ATXN1: variants seen among roughly 807,000 people sequenced by gnomAD.
The protein encoded by ATXN1 is ataxin 1.
Under a neutral mutation model 56.4 loss-of-function variants are expected in ATXN1, and 8 were observed. The observed-to-expected ratio is 0.14, with a 90% CI of 0.08 to 0.26. The LOEUF is 0.26. Ranked by LOEUF, ATXN1 falls within the 10% of genes least tolerant of loss-of-function variation. The pLI, the probability that ATXN1 is intolerant of heterozygous loss-of-function variation, is 1.00. For synonymous variants in ATXN1, 514 were observed against 494.6 expected (o/e 1.04, Z -0.52); for missense variants, 987 against 1,106.5 (o/e 0.89, Z 1.53).
At chr6:16,701,759 T>A (rs567376157) in intron 2 of ATXN1, among the ~76,000 whole-genome samples, 1 of 152,206 alleles carries the variant, frequency 6.6e-6, no homozygotes, top group East Asian at 1.9e-4. Flanking sequence ...ATAAAATACC[T>A]AGGAATCCAA....
Position 16,327,862 on chromosome 6 carries a change from G to C in ATXN1, c.449C>G (p.Pro150Arg). Residue 150 changes from proline to arginine, a missense_variant, in exon 7 of 8, where the codon CCA becomes CGA. Transcript: ENST00000436367. ...ASFIPSQLIP[P>R]TANPVTSAVA... ...TGCACTGGTGACGGGGTTGGCGGTT[G>C]GGGGGATCAGCTGTGATGGGATGAA... 6.2e-7 allele frequency: 1 copy of C among 1,607,258 alleles called. No homozygotes were observed. Among genetic ancestry groups the C allele is most frequent in the East Asian group, 2.2e-5 (1 of 44,880 alleles).
intron 1 of ATXN1, among the ~76,000 whole-genome samples, chr6:16,758,819 A>G (rs1012003780): frequency 3.9e-5 from 6 of 152,234 alleles, no homozygotes; most frequent in Non-Finnish European, 8.8e-5. Context: ...AAGTCCATTT[A>G]TTTGCGGAGC....
intron 6 of ATXN1, among the ~76,000 whole-genome samples, chr6:16,449,115 T>C (rs575716029): frequency 6.6e-6 from 1 of 152,010 alleles, no homozygotes; most frequent in East Asian, 1.9e-4. Context: ...GTTTCTCAGG[T>C]AGAAAGGTTG....
At chr6:16,310,436 C>A (rs1760362178) in intron 7 of ATXN1, among the ~76,000 whole-genome samples, 1 of 152,164 alleles carries the variant, frequency 6.6e-6, no homozygotes, top group African/African-American at 2.4e-5. Context: ...CATGGTGAAT[C>A]TGAATGAATA....
chr6:16,646,989 TTTTGTTTGTTTG>T (rs533393628), intron 3 of ATXN1, among the ~76,000 whole-genome samples: 13 of 152,032 alleles, frequency 8.6e-5, no homozygotes, highest in Non-Finnish European at 2.9e-5. Flanking sequence ...ATTTAGGTTT[TTTTGTTTGTTTG>T]TTTGTTTGTT....
chr6:16,466,680 G>A (rs1022610557), intron 6 of ATXN1, among the ~76,000 whole-genome samples: 3 of 151,744 alleles, frequency 2.0e-5, no homozygotes, highest in Non-Finnish European at 4.4e-5. Flanking sequence ...TTTCTGTAAA[G>A]CTACATGTAT....
In ATXN1 at chr6:16,306,627, G is replaced by T; in HGVS notation, c.2150C>A (p.Ala717Glu). The change falls in exon 8 of 8, where the codon GCG becomes GAG. Residue 717 changes from alanine (A) to glutamate (E), a missense_variant. By Grantham distance (107) the Ala-to-Glu change is moderately radical (BLOSUM62 -1). Transcript: ENST00000436367. This position sits in a 1 kb window ranked among gnomAD's most constrained non-coding sequence, Gnocchi z 5.2. ...CTCGGCATACCTGTGTCTGCTGCCC[G>T]CCAGGCCGTCGGCCTTTGAGTGCTT... ...LLKHSKADGLAGSRHRYAEQE... is the reference protein window; with the variant it reads ...LLKHSKADGLEGSRHRYAEQE... 6.2e-7 allele frequency: 1 copy of T among 1,614,222 alleles called. No individual in the cohort carries two copies. Among genetic ancestry groups the T allele is most frequent in the Admixed American group, 1.7e-5 (1 of 60,026 alleles).
chr6:16,395,635 T>A lies in ATXN1; in HGVS notation c.-160-67165A>T, dbSNP rs147055222. 9.6e-3 allele frequency among the ~76,000 whole-genome samples: 1,463 copies of A among 152,286 alleles called. 11 individuals are homozygous for A. Among genetic ancestry groups the A allele is most frequent in the Non-Finnish European group, 0.014 (928 of 68,032 alleles). On this transcript the variant is annotated intron_variant, in intron 6 of 7. Transcript: ENST00000436367. ...ACGCACAGTACATAATAGTTGATAGTGAAAATAAATGACTATGTTACTGGT... is the reference window on the plus strand; with the variant it reads ...ACGCACAGTACATAATAGTTGATAGAGAAAATAAATGACTATGTTACTGGT...
At chr6:16,496,350 TATACTTTG>T (rs1043621861) in intron 5 of ATXN1, among the ~76,000 whole-genome samples, 14 of 152,202 alleles carry the variant, frequency 9.2e-5, no homozygotes, top group African/African-American at 3.4e-4. Context: ...CAAAGACAGG[TATACTTTG>T]ATGTGGGTTA....
chr6:16,508,960 T>A (rs1361368960), intron 5 of ATXN1, among the ~76,000 whole-genome samples: 2 of 152,180 alleles, frequency 1.3e-5, no homozygotes, highest in African/African-American at 4.8e-5. Context: ...TGACACATGT[T>A]ACAACATGGA....
At chr6:16,663,255 C>G (rs1758361517) in intron 2 of ATXN1, among the ~76,000 whole-genome samples, 1 of 152,126 alleles carries the variant, frequency 6.6e-6, no homozygotes, top group Non-Finnish European at 1.5e-5. Context: ...AGGCAGGAGC[C>G]ACCGTGCCCG....
At chr6:16,523,918 C>A (rs1761342401) in intron 4 of ATXN1, among the ~76,000 whole-genome samples, 1 of 152,252 alleles carries the variant, frequency 6.6e-6, no homozygotes. Flanking sequence ...TCCAACTCAA[C>A]AATAATCTCC....
intron 6 of ATXN1, among the ~76,000 whole-genome samples, chr6:16,361,851 ATGTTTC>A (rs1761814429): frequency 6.6e-6 from 1 of 152,168 alleles, no homozygotes; most frequent in South Asian, 2.1e-4. Flanking sequence ...TAAATGGTCA[ATGTTTC>A]TGTAGTGTCA....
intron 5 of ATXN1, among the ~76,000 whole-genome samples, chr6:16,489,279 C>A (rs1329880346): frequency 6.6e-6 from 1 of 152,138 alleles, no homozygotes; most frequent in Non-Finnish European, 1.5e-5. Context: ...TAGGACTTAA[C>A]CCTTACTCCA....
Position 16,760,453 on chromosome 6 carries a change from A to AC in ATXN1, c.-730+844dup, listed in dbSNP as rs1057156060. ...CTGCACATGATCAGGAAGCGGCCGC[A>AC]CCAACAGGGCGGCGGTGGCGGCGGC... is the stretch of plus-strand genomic sequence containing the variant. On this transcript the variant is annotated intron_variant, in intron 1 of 7. Transcript: ENST00000436367. This position sits in a 1 kb window ranked among gnomAD's most constrained non-coding sequence, Gnocchi z 5.3. Among the ~76,000 whole-genome samples, 1 of 150,512 alleles carries AC rather than the reference A, an allele frequency of 6.6e-6. No individual in the cohort carries two copies. The highest frequency in any genetic ancestry group is 1.5e-5 in the Non-Finnish European group (1 of 67,500).
intron 2 of ATXN1, among the ~76,000 whole-genome samples, chr6:16,668,750 C>A (rs1056113100): frequency 6.6e-6 from 1 of 151,918 alleles, no homozygotes; most frequent in Admixed American, 6.6e-5. Flanking sequence ...AGTAGGAATG[C>A]CACAAACTGG....
At chr6:16,336,008 T>C (rs899271761) in intron 6 of ATXN1, among the ~76,000 whole-genome samples, 1 of 152,252 alleles carries the variant, frequency 6.6e-6, no homozygotes, top group African/African-American at 2.4e-5. Flanking sequence ...CGATATGTTT[T>C]GGTAATTTAT....
At chr6:16,422,060 T>G (rs1759048463) in intron 6 of ATXN1, among the ~76,000 whole-genome samples, 1 of 150,990 alleles carries the variant, frequency 6.6e-6, no homozygotes, top group Non-Finnish European at 1.5e-5. Context: ...TTTTTTTTTA[T>G]TTGCCTCTGT....
chr6:16,622,350 G>A (rs1763333355), intron 3 of ATXN1, among the ~76,000 whole-genome samples: 2 of 152,156 alleles, frequency 1.3e-5, no homozygotes, highest in South Asian at 4.1e-4. Flanking sequence ...AGGAGATGGT[G>A]ATGATGATGA....
Sources: gnomAD v4.1 joint callset for allele counts (sites outside exome capture counted in the v4.1 genomes callset) on GRCh38, gnomAD v4.1.1 for gene constraint, Gnocchi (gnomAD v3.1) non-coding constraint, MANE v1.5 for transcripts, NCBI Gene and HGNC (gene_info 2026-07-23, HGNC 2026-07-21) for gene names.